KANSL1: variants seen among roughly 807,000 people sequenced by gnomAD.
The protein encoded by KANSL1 is KAT8 regulatory NSL complex subunit 1, also known as MLL1/MLL complex subunit KANSL1.
In KANSL1, 22 loss-of-function variants were observed where a neutral mutation model predicts 103.6. The observed-to-expected ratio is 0.21, with a 90% CI of 0.15 to 0.30. The LOEUF is 0.30. Among genes scored for constraint, KANSL1 ranks in the 10% least tolerant of loss-of-function variants. KANSL1 has a pLI of 1.00. For synonymous variants in KANSL1, 600 were observed against 527.6 expected, an observed-to-expected ratio of 1.14 and a Z score of -1.88; for missense variants, 1,337 against 1,399.8, an observed-to-expected ratio of 0.96 and a Z score of 0.72.
At chr17:46,151,129 C>A (rs2045074630) in intron 2 of KANSL1, among the ~76,000 whole-genome samples, 1 of 152,176 alleles carries the variant, frequency 6.6e-6, no homozygotes, top group Non-Finnish European at 1.5e-5. Flanking sequence ...TTATTTTAAG[C>A]ATAAAGCTAA....
intron 2 of KANSL1, among the ~76,000 whole-genome samples, chr17:46,157,919 T>C (rs953573161): frequency 6.6e-6 from 1 of 152,110 alleles, no homozygotes; most frequent in African/African-American, 2.4e-5. Flanking sequence ...GCTGGGAGAG[T>C]GCCAATTTAA....
At chr17:46,188,119 A>C (rs2047117292) in intron 1 of KANSL1, among the ~76,000 whole-genome samples, 1 of 152,248 alleles carries the variant, frequency 6.6e-6, no homozygotes, top group South Asian at 2.1e-4. Flanking sequence ...CTGCCATACT[A>C]GTCATCTCCT....
chr17:46,076,782 TTA>T (rs1173512054), intron 4 of KANSL1, among the ~76,000 whole-genome samples: 1 of 152,154 alleles, frequency 6.6e-6, no homozygotes, highest in African/African-American at 2.4e-5. Flanking sequence ...CCTAAGTATT[TTA>T]TGTTTCTTGA....
intron 2 of KANSL1, among the ~76,000 whole-genome samples, chr17:46,140,059 TCCTC>T (rs2044342818): frequency 6.6e-6 from 1 of 152,188 alleles, no homozygotes; most frequent in Non-Finnish European, 1.5e-5. Flanking sequence ...TCCCTTCCCT[TCCTC>T]CATCCCAACC....
chr17:46,091,175 T>C (rs551714386), intron 3 of KANSL1, among the ~76,000 whole-genome samples: 10 of 152,170 alleles, frequency 6.6e-5, no homozygotes, highest in Non-Finnish European at 1.2e-4. Flanking sequence ...CCTACGTTCA[T>C]GTGTGTGTTT....
chr17:46,055,704 A>T (rs17653889), intron 6 of KANSL1, among the ~76,000 whole-genome samples: 21,763 of 152,176 alleles, frequency 0.14, 2,118 homozygotes, highest in Non-Finnish European at 0.22. Context: ...ATTTCTGATA[A>T]GCAAAAATAC....
At chr17:46,158,400 C>T (rs1428674584) in intron 2 of KANSL1, among the ~76,000 whole-genome samples, 1 of 151,228 alleles carries the variant, frequency 6.6e-6, no homozygotes, top group Non-Finnish European at 1.5e-5. Flanking sequence ...CGCTCAGTCG[C>T]CCAGCTGGAG....
At chr17:46,096,595 CA>C (rs2042096157) in intron 2 of KANSL1, among the ~76,000 whole-genome samples, 1 of 151,960 alleles carries the variant, frequency 6.6e-6, no homozygotes, top group Non-Finnish European at 1.5e-5. Context: ...GCTGGGATTA[CA>C]GGCACGAGCC....
chr17:46,160,930 C>T (rs2045702089), intron 2 of KANSL1, among the ~76,000 whole-genome samples: 1 of 152,192 alleles, frequency 6.6e-6, no homozygotes, highest in Non-Finnish European at 1.5e-5. Flanking sequence ...GTTACTTAAA[C>T]TTTCCATTCT....
At chr17:46,031,813 G>A (rs1161714501) in intron 14 of KANSL1, 110 bp from the exon 15 acceptor site, 4 of 1,121,656 alleles carry the variant, frequency 3.6e-6, no homozygotes, top group Non-Finnish European at 5.1e-6. Flanking sequence ...AGTCTATCTA[G>A]TGTTCCTGCG....
At chr17:46,053,687 G>A (rs556364299) in intron 6 of KANSL1, among the ~76,000 whole-genome samples, 40 of 152,068 alleles carry the variant, frequency 2.6e-4, no homozygotes, top group South Asian at 6.2e-4. Flanking sequence ...TGCCCGCCTC[G>A]GCCTCCCAAA....
intron 2 of KANSL1, among the ~76,000 whole-genome samples, chr17:46,163,334 A>G (rs1447731054): frequency 6.6e-6 from 1 of 152,208 alleles, no homozygotes; most frequent in African/African-American, 2.4e-5. Context: ...CCCCATTTAT[A>G]GAAGATTATT....
At chr17:46,033,219 C>G (rs2077059035) in intron 12 of KANSL1, 27 bp from the exon 13 acceptor site, 1 of 1,544,576 alleles carries the variant, frequency 6.5e-7, no homozygotes. Flanking sequence ...TCATCGATCC[C>G]CTCTTTTCTC....
At chr17:46,039,958 C>A in intron 7 of KANSL1, 74 bp from the exon 8 acceptor site, 1 of 1,399,608 alleles carries the variant, frequency 7.1e-7, no homozygotes, top group African/African-American at 1.4e-5. Flanking sequence ...TACACTCCAT[C>A]CTCCTTTAAT....
chr17:46,064,063 A>AC (rs1173232516), intron 6 of KANSL1, among the ~76,000 whole-genome samples: 2 of 128,670 alleles, frequency 1.6e-5, no homozygotes, highest in East Asian at 2.6e-4. Flanking sequence ...TAAAAAAAAA[A>AC]AAAAAAAACA....
chr17:46,038,601 G>C lies in KANSL1; in HGVS notation c.2478C>G (p.Leu826=), dbSNP rs753966599. 1 of 1,614,176 alleles carries C rather than the reference G, an allele frequency of 6.2e-7. No homozygotes were observed. The highest frequency in any genetic ancestry group is 1.1e-5 in the South Asian group (1 of 91,086). The change falls in exon 10 of 15, where the codon CTC becomes CTG. Residue 826 remains leucine, a synonymous_variant. Coordinates refer to ENST00000432791, the MANE Select transcript of KANSL1 (RefSeq NM_015443.4). Reference sequence around the variant, plus strand: ...GTGCAGGGGAATCTGAGGAGGTGGAGAGCTGTCGCACCAAGGGACTGTGTG... The same window carrying C: ...GTGCAGGGGAATCTGAGGAGGTGGACAGCTGTCGCACCAAGGGACTGTGTG... ...HPPHSPLVRQ[L]STSSDSPAPA...
chr17:46,107,504 C>T (rs1027304753), intron 2 of KANSL1, among the ~76,000 whole-genome samples: 1 of 152,220 alleles, frequency 6.6e-6, no homozygotes, highest in Non-Finnish European at 1.5e-5. Context: ...TCTTTCAAGA[C>T]ATACTAACCT....
At chr17:46,042,390 G>C (rs527431319) in intron 7 of KANSL1, 1 of 152,260 alleles carries the variant, frequency 6.6e-6, no homozygotes, top group East Asian at 1.9e-4. Flanking sequence ...CTTTGTAACA[G>C]TTCCATGAGG....
At chr17:46,113,228 T>G (rs1470463072) in intron 2 of KANSL1, among the ~76,000 whole-genome samples, 1 of 152,182 alleles carries the variant, frequency 6.6e-6, no homozygotes, top group Non-Finnish European at 1.5e-5. Context: ...TAAGAAACCT[T>G]GCTGTATATG....
Sources: gnomAD v4.1 joint callset for allele counts (sites outside exome capture counted in the v4.1 genomes callset) on GRCh38, gnomAD v4.1.1 for gene constraint, MANE v1.5 for transcripts, NCBI Gene and HGNC (gene_info 2026-07-23, HGNC 2026-07-21) for gene names.